The following SNX8 variants were observed in gnomAD, a reference collection of about 807,000 sequenced individuals.
SNX8 encodes sorting nexin-8.
SNX8 carries 25 observed loss-of-function variants against 51.6 expected under a neutral mutation model. That is an observed-to-expected ratio of 0.48 (90% CI 0.35 to 0.68). The LOEUF is 0.68. Ranked by LOEUF, SNX8 falls within the 30% of genes least tolerant of loss-of-function variation. The pLI is 0.00. For synonymous variants in SNX8, 324 were observed against 277.0 expected (o/e 1.17, Z -1.68); for missense variants, 695 against 624.0 (o/e 1.11, Z -1.21).
intron 1 of SNX8, among the ~76,000 whole-genome samples, chr7:2,342,429 G>A (rs980216623): frequency 2.6e-5 from 4 of 151,864 alleles, no homozygotes; most frequent in South Asian, 2.1e-4. Flanking sequence ...TGAGGAGGGC[G>A]GATCACTTGA....
intron 5 of SNX8, among the ~76,000 whole-genome samples, chr7:2,264,906 G>A (rs1795428200): frequency 6.6e-6 from 1 of 152,112 alleles, no homozygotes; most frequent in African/African-American, 2.4e-5. Flanking sequence ...ATGGCGGCAT[G>A]CACCTGTAAT....
chr7:2,311,276 C>T lies in SNX8; in HGVS notation c.94+3052G>A, dbSNP rs1009383278. Reference sequence around the variant, plus strand: ...GAGAAGAGGAAATTCACTGTATACCCGTAAGGCACAACCACTCCTTCAAAC... The same window carrying T: ...GAGAAGAGGAAATTCACTGTATACCTGTAAGGCACAACCACTCCTTCAAAC... On this transcript the variant is annotated intron_variant, in intron 1 of 10. Transcript: ENST00000222990. Among the ~76,000 whole-genome samples the T allele has an allele frequency of 3.9e-5, 6 of 152,290 alleles. No homozygotes were observed. The East Asian group carries it at 9.6e-4, about 24-fold the overall frequency.
intron 1 of SNX8, among the ~76,000 whole-genome samples, chr7:2,331,301 T>A (rs1487104890): frequency 1.3e-5 from 2 of 151,676 alleles, no homozygotes; most frequent in East Asian, 3.8e-4. Flanking sequence ...ACTAGACTAA[T>A]AATCTGATTT....
chr7:2,313,015 A>G (rs970211476), intron 1 of SNX8, among the ~76,000 whole-genome samples: 2 of 151,936 alleles, frequency 1.3e-5, no homozygotes, highest in Admixed American at 1.3e-4. Flanking sequence ...CTCCTGCCTC[A>G]GCCTCCCGAG....
At chr7:2,274,508 C>T (rs1333097836) in intron 3 of SNX8, among the ~76,000 whole-genome samples, 3 of 152,356 alleles carry the variant, frequency 2.0e-5, no homozygotes, top group Admixed American at 6.5e-5. Context: ...CTCTGCAGCC[C>T]AGGGGGACAC....
chr7:2,325,884 G>C (rs1778615126), intron 1 of SNX8, among the ~76,000 whole-genome samples: 1 of 152,068 alleles, frequency 6.6e-6, no homozygotes, highest in Admixed American at 6.6e-5. Flanking sequence ...TAACAGGAAT[G>C]TGTTCTTGGA....
At chr7:2,318,084 T>C (rs1796783241), upstream of SNX8, among the ~76,000 whole-genome samples, 1 of 152,128 alleles carries the variant, frequency 6.6e-6, no homozygotes, top group African/African-American at 2.4e-5. Context: ...CTTGCTGTGT[T>C]GCCCAGGCTG....
chr7:2,260,144 G>A (rs1030452750), intron 7 of SNX8, among the ~76,000 whole-genome samples: 2 of 152,072 alleles, frequency 1.3e-5, no homozygotes, highest in African/African-American at 4.8e-5. Flanking sequence ...TACCCAGGCT[G>A]GAGTGCAGTG....
In SNX8 at chr7:2,264,287, A is replaced by G; in HGVS notation, c.782+11T>C. Reference sequence around the variant, plus strand: ...CGCGCGTGCCCCTGCAGAAGCTGAAAGGTCACCTACCTTAGCTCCTTCCCG... The same window carrying G: ...CGCGCGTGCCCCTGCAGAAGCTGAAGGGTCACCTACCTTAGCTCCTTCCCG... On this transcript the variant is annotated intron_variant, in intron 6 of 10. Transcript: ENST00000222990. 1.2e-6 allele frequency: 2 copies of G among 1,602,278 alleles called. No individual in the cohort carries two copies. Among genetic ancestry groups the G allele is most frequent in the South Asian group, 2.2e-5 (2 of 90,900 alleles).
intron 1 of SNX8, among the ~76,000 whole-genome samples, chr7:2,282,346 G>T (rs764216795): frequency 2.0e-5 from 3 of 152,164 alleles, no homozygotes; most frequent in African/African-American, 7.2e-5. Flanking sequence ...ACTGTGAGAG[G>T]GGGCTGGGCA....
chr7:2,258,567 CGGA>C (rs1040910013), intron 7 of SNX8, among the ~76,000 whole-genome samples: 2 of 152,028 alleles, frequency 1.3e-5, no homozygotes, highest in African/African-American at 2.4e-5. Flanking sequence ...AGGAGGGGCA[CGGA>C]GGAGAACAAG....
intron 7 of SNX8, among the ~76,000 whole-genome samples, chr7:2,259,767 G>A (rs1318654666): frequency 1.3e-5 from 2 of 152,180 alleles, no homozygotes; most frequent in African/African-American, 4.8e-5. Flanking sequence ...GGGCTCAGGA[G>A]AATGTAGGCT....
chr7:2,340,356 C>G (rs7807013), intron 1 of SNX8, among the ~76,000 whole-genome samples: 78,160 of 151,138 alleles, frequency 0.52, 20,342 homozygotes, highest in East Asian at 0.7. Context: ...ACAGGCGTGA[C>G]CCACCATGCC....
chr7:2,297,609 T>C (rs1562444816), intron 1 of SNX8, among the ~76,000 whole-genome samples: 1 of 143,196 alleles, frequency 7.0e-6, no homozygotes, highest in African/African-American at 2.6e-5. Context: ...CGCAGCACAA[T>C]TCACAGTTGC....
chr7:2,272,321 T>C (rs1187627291), intron 3 of SNX8, among the ~76,000 whole-genome samples: 1 of 151,972 alleles, frequency 6.6e-6, no homozygotes, highest in Non-Finnish European at 1.5e-5. Context: ...CACTTCTCAC[T>C]GCAAACAAAT....
intron 1 of SNX8, among the ~76,000 whole-genome samples, chr7:2,284,357 G>C (rs990685246): frequency 1.4e-5 from 2 of 147,742 alleles, no homozygotes; most frequent in South Asian, 4.3e-4. Context: ...CCCCGAAGTA[G>C]AATGGAAATC....
chr7:2,349,863 A>T (rs1194462407), intron 1 of SNX8, among the ~76,000 whole-genome samples: 1 of 152,036 alleles, frequency 6.6e-6, no homozygotes, highest in East Asian at 1.9e-4. Context: ...CTCCTGTGAC[A>T]GGTCCTGAAT....
intron 10 of SNX8, among the ~76,000 whole-genome samples, chr7:2,255,970 A>G (rs919669126): frequency 1.1e-4 from 16 of 152,224 alleles, no homozygotes; most frequent in African/African-American, 3.9e-4. Context: ...CACAGCGCAC[A>G]CAGCATCACA....
Position 2,327,508 on chromosome 7 carries a change from T to C in SNX8, c.-66+26714A>G, listed in dbSNP as rs565750191. 1.1e-4 allele frequency among the ~76,000 whole-genome samples: 16 copies of C among 151,664 alleles called. No individual in the cohort carries two copies. The East Asian group carries it at 1.2e-3, about 11-fold the overall frequency. ...CTGCAAGCTCCGCATCTCTGGTTCA[T>C]GCCATTCTCCTGCCTCAGCCTCCAG... On this transcript the variant is annotated intron_variant, in intron 1 of 5. Coordinates refer to the SNX8 transcript ENST00000435336.
Sources: gnomAD v4.1 joint callset for allele counts (sites outside exome capture counted in the v4.1 genomes callset) on GRCh38, gnomAD v4.1.1 for gene constraint, MANE v1.5 for transcripts, NCBI Gene and HGNC (gene_info 2026-07-23, HGNC 2026-07-21) for gene names.